The following MKLN1 variants were observed in gnomAD, a reference collection of about 807,000 sequenced individuals.
The protein encoded by MKLN1 is muskelin.
In MKLN1, 18 loss-of-function variants were observed where a neutral mutation model predicts 99.0. The ratio of observed to expected loss-of-function variants is 0.18; its 90% CI spans 0.13 to 0.27. The LOEUF is 0.27. MKLN1 is among the 10% of genes least tolerant of loss of function. MKLN1 has a pLI of 1.00. For synonymous variants in MKLN1, 288 were observed against 293.2 expected, an observed-to-expected ratio of 0.98 and a Z score of 0.18; for missense variants, 621 against 875.9, an observed-to-expected ratio of 0.71 and a Z score of 3.67.
At chr7:131,464,549 C>G in intron 14 of MKLN1, 141 bp downstream of exon 14, 1 of 527,946 alleles carries the variant, frequency 1.9e-6, no homozygotes, top group Middle Eastern at 2.8e-4. Flanking sequence ...AACAAACACC[C>G]AATATCACTT....
chr7:131,453,701 A>G (rs1425714570), intron 12 of MKLN1, among the ~76,000 whole-genome samples: 2 of 152,114 alleles, frequency 1.3e-5, no homozygotes, highest in African/African-American at 2.4e-5. Context: ...CATGCCACAA[A>G]CCCAGAAATC....
At chr7:131,292,667 C>T (rs1426887695) in intron 3 of MKLN1, among the ~76,000 whole-genome samples, 1 of 152,230 alleles carries the variant, frequency 6.6e-6, no homozygotes, top group East Asian at 1.9e-4. Flanking sequence ...GGATTTTCCC[C>T]TGCAGGTTTC....
chr7:131,310,390 G>A (rs1246364344), intron 3 of MKLN1: 1 of 152,182 alleles, frequency 6.6e-6, no homozygotes, highest in Non-Finnish European at 1.5e-5. Context: ...CAAAATCTGA[G>A]TGTCAAGGTA....
At chr7:131,425,745 A>G (rs577291893) in intron 8 of MKLN1, among the ~76,000 whole-genome samples, 15 of 152,346 alleles carry the variant, frequency 9.8e-5, no homozygotes, top group South Asian at 4.1e-4. Context: ...TATAGAACCT[A>G]TAAGCATGAG....
intron 3 of MKLN1, among the ~76,000 whole-genome samples, chr7:131,222,402 T>C (rs1219190483): frequency 6.6e-6 from 1 of 152,218 alleles, no homozygotes; most frequent in Non-Finnish European, 1.5e-5. Flanking sequence ...GACATCTCTC[T>C]GGTATTAGCA....
At position 131,124,121 on chromosome 7, in the gene MKLN1, G is replaced by A. The variant is rs59387858; in HGVS notation, c.-419+13914G>A. Among the ~76,000 whole-genome samples the A allele has an allele frequency of 2.8e-3, 428 of 152,282 alleles. 2 individuals are homozygous for A. Among genetic ancestry groups the A allele is most frequent in the African/African-American group, 9.9e-3 (412 of 41,554 alleles). The stretch of plus-strand genomic sequence containing the variant: ...GATAATAACACCTACCTCTCAAGGA[G>A]GTTGTGAGAATTAAATAAGATCATG... On this transcript the variant is annotated intron_variant, in intron 1 of 7. Transcript: ENST00000416992.
At chr7:131,233,577 T>C (rs1797274571) in intron 3 of MKLN1, among the ~76,000 whole-genome samples, 2 of 151,918 alleles carry the variant, frequency 1.3e-5, no homozygotes, top group Non-Finnish European at 2.9e-5. Flanking sequence ...ACAAAGTTTT[T>C]AGATATTTTA....
chr7:131,489,657 A>G lies in MKLN1; in HGVS notation c.*1929A>G, dbSNP rs1797373760. The G allele has an allele frequency of 6.6e-6, 1 of 152,280 alleles. No homozygotes were observed. Among genetic ancestry groups the G allele is most frequent in the East Asian group, 1.9e-4 (1 of 5,188 alleles). 9.4% of individuals were successfully genotyped at this position (152,280 alleles called of 1,614,324 possible). On this transcript the variant is annotated 3_prime_UTR_variant, in exon 18 of 18. Coordinates refer to ENST00000352689, the MANE Select transcript of MKLN1 (RefSeq NM_013255.5). Reference sequence around the variant, plus strand: ...GTGTGAATTCTGGCACTTTAAAAAGATTAAGCAAGTGAAATTCTGCTGCCC... The same window carrying G: ...GTGTGAATTCTGGCACTTTAAAAAGGTTAAGCAAGTGAAATTCTGCTGCCC...
intron 3 of MKLN1, among the ~76,000 whole-genome samples, chr7:131,272,803 C>G (rs952573318): frequency 6.6e-6 from 1 of 152,104 alleles, no homozygotes; most frequent in African/African-American, 2.4e-5. Context: ...TTCACTATCA[C>G]GAGAATAGTA....
At chr7:131,213,067 C>G (rs1342752340) in intron 3 of MKLN1, among the ~76,000 whole-genome samples, 1 of 152,102 alleles carries the variant, frequency 6.6e-6, no homozygotes, top group African/African-American at 2.4e-5. Flanking sequence ...TTTTCTCCTT[C>G]CCTCTTTTCA....
At chr7:131,380,624 C>A (rs2116863580) in intron 2 of MKLN1, among the ~76,000 whole-genome samples, 1 of 152,214 alleles carries the variant, frequency 6.6e-6, no homozygotes, top group East Asian at 1.9e-4. Context: ...AAAAGTTATT[C>A]ACTTTTTAGT....
intron 3 of MKLN1, among the ~76,000 whole-genome samples, chr7:131,261,947 A>G (rs1797737747): frequency 6.6e-6 from 1 of 152,162 alleles, no homozygotes; most frequent in Admixed American, 6.5e-5. Context: ...ATGAGTACAT[A>G]TAGACACAAA....
chr7:131,381,563 G>A lies in MKLN1; in HGVS notation c.169-5557G>A, dbSNP rs538402176. ...AGTGAGAATCAAAAAGGAGATAAAA[G>A]CATAAGAAATCTAAAATAAATTAGA... On this transcript the variant is annotated intron_variant, in intron 2 of 17. Coordinates refer to ENST00000352689, the MANE Select transcript of MKLN1 (RefSeq NM_013255.5). Among the ~76,000 whole-genome samples, 8 of 152,172 alleles carry A rather than the reference G, an allele frequency of 5.3e-5. 1 individual carries two copies. Among genetic ancestry groups the A allele is most frequent in the Admixed American group, 2.0e-4 (3 of 15,280 alleles).
intron 1 of MKLN1, among the ~76,000 whole-genome samples, chr7:131,359,598 T>C (rs960426473): frequency 6.6e-6 from 1 of 152,208 alleles, no homozygotes; most frequent in African/African-American, 2.4e-5. Flanking sequence ...TGTCCAATTA[T>C]AATAATGCTT....
chr7:131,429,042 A>G lies in MKLN1; in HGVS notation c.857A>G (p.Tyr286Cys), dbSNP rs1254704626. The G allele has an allele frequency of 8.7e-6, 14 of 1,611,642 alleles. No homozygotes were observed. Among genetic ancestry groups the G allele is most frequent in the Non-Finnish European group, 1.1e-5 (13 of 1,179,010 alleles). Reference protein sequence around the residue: ...MVIDVQTETVYLFGGWDGTQD... With the variant: ...MVIDVQTETVCLFGGWDGTQD... ...TTTCTGATTTTCATAGAGACTGTTT[A>G]TTTGTTTGGTGGCTGGGATGGAACA... is the stretch of plus-strand genomic sequence containing the variant. Residue 286 changes from tyrosine (Y) to cysteine (C), a missense_variant, in exon 9 of 18, where the codon TAT (tyrosine) becomes TGT (cysteine). By Grantham distance (194) the Tyr-to-Cys change is radical (BLOSUM62 -2). Transcript: ENST00000352689.
intron 16 of MKLN1, among the ~76,000 whole-genome samples, chr7:131,476,066 TAGTA>T (rs1264201238): frequency 2.6e-5 from 4 of 152,172 alleles, no homozygotes; most frequent in Non-Finnish European, 5.9e-5. Flanking sequence ...TAGATCATCT[TAGTA>T]AGTGAAGAAA....
intron 2 of MKLN1, among the ~76,000 whole-genome samples, chr7:131,157,191 G>C (rs1345382221): frequency 6.6e-6 from 1 of 152,064 alleles, no homozygotes; most frequent in East Asian, 1.9e-4. Context: ...ACCAGTCCGG[G>C]CAACATGGTG....
chr7:131,245,643 G>C (rs7793668), intron 3 of MKLN1, among the ~76,000 whole-genome samples: 14,616 of 152,146 alleles, frequency 0.096, 865 homozygotes, highest in East Asian at 0.26. Flanking sequence ...AAATACTATT[G>C]TGTTACAGCT....
At chr7:131,345,727 A>G (rs1799540817) in intron 1 of MKLN1, among the ~76,000 whole-genome samples, 3 of 152,138 alleles carry the variant, frequency 2.0e-5, no homozygotes, top group Non-Finnish European at 4.4e-5. Context: ...AAAAAAATTT[A>G]AAAATAAGTA....
Sources: gnomAD v4.1 joint callset for allele counts (sites outside exome capture counted in the v4.1 genomes callset) on GRCh38, gnomAD v4.1.1 for gene constraint, MANE v1.5 for transcripts, NCBI Gene and HGNC (gene_info 2026-07-23, HGNC 2026-07-21) for gene names.